CLCN4: variants seen among roughly 807,000 people sequenced by gnomAD.
CLCN4 encodes Cl-/H+ antiporter 4.
CLCN4 carries 1 observed loss-of-function variant against 41.7 expected under a neutral mutation model. The observed-to-expected ratio is 0.02, with a 90% CI of 0.01 to 0.11. CLCN4 has a LOEUF of 0.11. CLCN4 is among the 10% of genes least tolerant of loss of function. The pLI is 1.00. For missense variants in CLCN4, 287 were observed against 661.0 expected (o/e 0.43, Z 6.20); for synonymous variants, 277 against 285.8 (o/e 0.97, Z 0.31).
At chrX:10,178,038 A>ATACTGCATGATTCCACT (rs201410291) in intron 2 of CLCN4, among the ~76,000 whole-genome samples, 1 of 112,165 alleles carries the variant, frequency 8.9e-6, no homozygotes, top group Non-Finnish European at 1.9e-5. Context: ...AAGAGGCCAC[A>ATACTGCATGATTCCACT]TACTGCATGA....
At position 10,208,036 on chromosome X, in the gene CLCN4, T is replaced by G. The variant is rs1015541329; in HGVS notation, c.844-9T>G. On this transcript the variant is annotated splice_polypyrimidine_tract_variant and intron_variant, in intron 8 of 12. Coordinates refer to ENST00000380833, the MANE Select transcript of CLCN4 (RefSeq NM_001830.4). ...GGCCAGTCTTTAATTTTCCACTTTT[T>G]CATCTCAGGTCAGTTACTACTTTCC... 2 of 1,189,347 alleles carry G rather than the reference T, an allele frequency of 1.7e-6. No homozygotes were observed. The highest frequency in any genetic ancestry group is 3.5e-5 in the African/African-American group (2 of 56,514).
chrX:10,198,151 T>C, intron 6 of CLCN4, 90 bp downstream of exon 6: 1 of 868,846 alleles, frequency 1.2e-6, no homozygotes, highest in South Asian at 2.4e-5. Context: ...CCAAGCGTTT[T>C]ACTTCTACTA....
intron 8 of CLCN4, among the ~76,000 whole-genome samples, chrX:10,207,178 C>T (rs904799737): frequency 6.2e-5 from 7 of 112,039 alleles, no homozygotes; most frequent in African/African-American, 2.3e-4. Flanking sequence ...GCCTCGGCCT[C>T]CCAAAGTACT....
intron 4 of CLCN4, among the ~76,000 whole-genome samples, chrX:10,192,532 G>T (rs1923993668): frequency 9.0e-6 from 1 of 111,425 alleles, no homozygotes; most frequent in Admixed American, 9.5e-5. Context: ...AGTGGGCAGG[G>T]TGTGGGGAGT....
At chrX:10,210,987 C>T (rs1289841688) in intron 9 of CLCN4, among the ~76,000 whole-genome samples, 1 of 96,789 alleles carries the variant, frequency 1.0e-5, no homozygotes, top group Non-Finnish European at 2.0e-5. Flanking sequence ...ATTTAATGGT[C>T]GGGCATGGTG....
rs762090225 is a variant in CLCN4, at chrX:10,164,190, C to T, written c.-12+5639C>T. 5.4e-5 allele frequency among the ~76,000 whole-genome samples: 6 copies of T among 112,093 alleles called. No homozygotes were observed. In the South Asian group the frequency reaches 1.9e-3, roughly 35 times the overall value. ...GAGGGGTCGCACTTGAGCAGAGATC[C>T]GAATGGAGAGAGAGCCACTTGAGCA... On this transcript the variant is annotated intron_variant, in intron 2 of 12. Transcript: ENST00000380833.
chrX:10,162,694 A>G (rs1923138633), intron 2 of CLCN4, among the ~76,000 whole-genome samples: 2 of 112,458 alleles, frequency 1.8e-5, no homozygotes, highest in Admixed American at 1.9e-4. Context: ...GCCTCTGGAA[A>G]ATTCCATTGT....
At chrX:10,221,445 G>T (rs1924858960) in intron 12 of CLCN4, among the ~76,000 whole-genome samples, 1 of 111,365 alleles carries the variant, frequency 9.0e-6, no homozygotes, top group South Asian at 3.8e-4. Flanking sequence ...AGGATCACTT[G>T]AGCCCAGGAG....
At chrX:10,187,948 G>T (rs1923858710) in intron 4 of CLCN4, among the ~76,000 whole-genome samples, 2 of 111,930 alleles carry the variant, frequency 1.8e-5, no homozygotes, top group African/African-American at 6.5e-5. Context: ...AAACGGTCTT[G>T]TTCCATTGCC....
chrX:10,226,921 A>C (rs1011670457), intron 12 of CLCN4, among the ~76,000 whole-genome samples: 3 of 111,127 alleles, frequency 2.7e-5, no homozygotes, highest in Non-Finnish European at 5.7e-5. Flanking sequence ...AACCAAAAAA[A>C]TCCCAGGACC....
In CLCN4 at chrX:10,194,882, C is replaced by T. The variant is rs1409365204; in HGVS notation, c.245-29C>T. On this transcript the variant is annotated intron_variant, in intron 4 of 12. Transcript: ENST00000380833. ...TTCTTGTCGCATCATGGGGCGATTC[C>T]TCTTAGTGGCTCGTGTTACTTCTTC... 3.3e-6 allele frequency: 4 copies of T among 1,202,475 alleles called. No individual in the cohort carries two copies. The South Asian group carries it at 7.1e-5, about 21-fold the overall frequency.
At chrX:10,233,282 G>A (rs886743104) in intron 12 of CLCN4, among the ~76,000 whole-genome samples, 1 of 111,816 alleles carries the variant, frequency 8.9e-6, no homozygotes. Context: ...AGAGAGTGGG[G>A]GGAAATGCAC....
At chrX:10,191,791 C>T (rs776565831) in intron 4 of CLCN4, among the ~76,000 whole-genome samples, 7 of 99,158 alleles carry the variant, frequency 7.1e-5, no homozygotes, top group South Asian at 5.2e-4. Context: ...TTGTCCACCT[C>T]GGCCTTCCAA....
intron 2 of CLCN4, among the ~76,000 whole-genome samples, chrX:10,165,802 C>G (rs1923235070): frequency 8.9e-6 from 1 of 112,110 alleles, no homozygotes; most frequent in South Asian, 3.7e-4. Context: ...TTAGCTTAGT[C>G]ACGCATCACA....
intron 4 of CLCN4, among the ~76,000 whole-genome samples, chrX:10,190,666 CTTTTCACTGGGT>C (rs1057333598): frequency 8.9e-6 from 1 of 112,058 alleles, no homozygotes; most frequent in African/African-American, 3.3e-5. Context: ...TGTAGGATTT[CTTTTCACTGGGT>C]TTCAGTTTCC....
At chrX:10,164,921 A>G (rs192659265) in intron 2 of CLCN4, among the ~76,000 whole-genome samples, 141 of 112,309 alleles carry the variant, frequency 1.3e-3, no homozygotes, top group Non-Finnish European at 2.1e-3. Context: ...GATTCTGGCT[A>G]CACAGCTTGC....
chrX:10,213,601 G>C (rs1924626278), intron 10 of CLCN4, 80 bp from the exon 11 acceptor site: 2 of 916,281 alleles, frequency 2.2e-6, no homozygotes, highest in Non-Finnish European at 3.1e-6. Context: ...TTTACAGCCT[G>C]TCTGTCATTT....
intron 2 of CLCN4, among the ~76,000 whole-genome samples, 176 bp from the exon 3 acceptor site, chrX:10,184,846 A>G (rs1296739356): frequency 8.9e-6 from 1 of 112,167 alleles, no homozygotes; most frequent in East Asian, 2.8e-4. Context: ...AGGTGACTTT[A>G]TAGAGCATAA....
In CLCN4 at chrX:10,236,586, C is replaced by G. The variant is rs1477698161; in HGVS notation, c.*3002C>G. 1.8e-5 allele frequency: 2 copies of G among 111,765 alleles called. No individual in the cohort carries two copies. The highest frequency in any genetic ancestry group is 3.3e-5 in the African/African-American group (1 of 30,719). The allele number at this position is 111,765 out of a possible 1,213,427, so 9.2% of individuals were successfully genotyped here. A position where few individuals can be genotyped will look rare whatever the true frequency, so the allele number is the denominator to read the frequency against. On this transcript the variant is annotated 3_prime_UTR_variant, in exon 13 of 13. Transcript: ENST00000380833. ...TGGGGAACATGCTGCCATGCTCTGTCTTTCTTGTAAACGTAGTTGGGTAGG... is the reference window on the plus strand; with the variant it reads ...TGGGGAACATGCTGCCATGCTCTGTGTTTCTTGTAAACGTAGTTGGGTAGG...
Sources: allele counts gnomAD v4.1 joint callset (sites outside exome capture counted in the v4.1 genomes callset), GRCh38; gene constraint gnomAD v4.1.1; transcripts MANE v1.5; gene names NCBI Gene and HGNC (gene_info 2026-07-23, HGNC 2026-07-21).